Variants in SNRNP48 observed in about 807,000 individuals in gnomAD.
The protein encoded by SNRNP48 is U11/U12 small nuclear ribonucleoprotein 48 kDa protein.
Under a neutral mutation model 47.0 loss-of-function variants are expected in SNRNP48, and 43 were observed. That is an observed-to-expected ratio of 0.92 (90% CI 0.72 to 1.18). The LOEUF is 1.18. Ranked by LOEUF, SNRNP48 falls within the 50% of genes most tolerant of loss-of-function variation. The pLI is 0.00. For synonymous variants in SNRNP48, 138 were observed against 144.0 expected, an observed-to-expected ratio of 0.96 and a Z score of 0.30; for missense variants, 396 against 422.2, an observed-to-expected ratio of 0.94 and a Z score of 0.54.
Position 7,600,134 on chromosome 6 carries a change from T to G in SNRNP48, c.407-1202T>G, listed in dbSNP as rs1218559063. ...ATTGACTTGAAAGGGAACCCTTTTT[T>G]CCCCATTAATTCAAAACCCTTTGAC... On this transcript the variant is annotated intron_variant, in intron 4 of 8. Coordinates refer to ENST00000342415, the MANE Select transcript of SNRNP48 (RefSeq NM_152551.4). 3 of 993,384 alleles carry G rather than the reference T, an allele frequency of 3.0e-6. No homozygotes were observed. In the African/African-American group the frequency reaches 5.2e-5, roughly 17 times the overall value. The allele number at this position is 993,384 out of a possible 1,614,324, so 61.5% of individuals were successfully genotyped here. A position where few individuals can be genotyped will look rare whatever the true frequency, so the allele number is the denominator to read the frequency against.
chr6:7,605,253 G>T, intron 6 of SNRNP48, 145 bp from the exon 7 acceptor site: 1 of 609,958 alleles, frequency 1.6e-6, no homozygotes, highest in Non-Finnish European at 2.9e-6. Flanking sequence ...CCTTTTCTGT[G>T]TTCTCTAAAC....
intron 4 of SNRNP48, chr6:7,599,600 C>T: frequency 1.1e-6 from 1 of 917,836 alleles, no homozygotes; most frequent in Non-Finnish European, 1.5e-6. Flanking sequence ...TTTTTGTTGT[C>T]AGAAATATCT....
intron 4 of SNRNP48, among the ~76,000 whole-genome samples, chr6:7,596,425 C>CT (rs1554110401): frequency 6.6e-6 from 1 of 152,122 alleles, no homozygotes; most frequent in East Asian, 1.9e-4. Context: ...GACAACTTAC[C>CT]TTTTTTTCCT....
chr6:7,605,301 G>C (rs1471736409), intron 6 of SNRNP48, 97 bp from the exon 7 acceptor site: 3 of 925,216 alleles, frequency 3.2e-6, no homozygotes, highest in Non-Finnish European at 5.2e-6. Flanking sequence ...ATAGCACTTA[G>C]TAAATATTTG....
In SNRNP48 at chr6:7,595,098, C is replaced by A; in HGVS notation, c.403C>A (p.Gln135Lys). The change falls in exon 4 of 9, where the codon CAA (glutamine) becomes AAA (lysine). Residue 135 changes from glutamine (Q) to lysine (K), a missense_variant. Coordinates refer to ENST00000342415, the MANE Select transcript of SNRNP48 (RefSeq NM_152551.4). ...TGGGAAAGACAGTGATTGTTATAAT[C>A]AAAGTAAGTGGCATTACAGTTTAAG... ...AVGKDSDCYN[Q>K]RIYSSLPVEV... 2 of 1,585,618 alleles carry A rather than the reference C, an allele frequency of 1.3e-6. No homozygotes were observed. The highest frequency in any genetic ancestry group is 8.6e-7 in the Non-Finnish European group (1 of 1,169,392).
intron 4 of SNRNP48, chr6:7,599,705 C>T (rs995731303): frequency 7.8e-7 from 1 of 1,284,406 alleles, no homozygotes; most frequent in Admixed American, 2.3e-5. Context: ...GAATTAGGAA[C>T]CTGAATGTAC....
intron 4 of SNRNP48, chr6:7,600,740 C>A (rs995853310): frequency 6.6e-6 from 1 of 152,130 alleles, no homozygotes; most frequent in African/African-American, 2.4e-5. Context: ...TTAATTTAAT[C>A]TGTGCTTTCC....
chr6:7,610,469 A>G lies in SNRNP48; in HGVS notation c.*1596A>G, dbSNP rs1760213641. 1 of 152,254 alleles carries G rather than the reference A, an allele frequency of 6.6e-6. No individual in the cohort carries two copies. The highest frequency in any genetic ancestry group is 2.4e-5 in the African/African-American group (1 of 41,474). The allele number at this position is 152,254 out of a possible 1,614,324, so 9.4% of individuals were successfully genotyped here. The stretch of plus-strand genomic sequence containing the variant: ...GATGAATCATGAAATTGCTGCTTTT[A>G]TAGATCAAAACTACTTGAATCATCA... On this transcript the variant is annotated 3_prime_UTR_variant, in exon 9 of 9. Coordinates refer to ENST00000342415, the MANE Select transcript of SNRNP48 (RefSeq NM_152551.4).
intron 3 of SNRNP48, among the ~76,000 whole-genome samples, chr6:7,594,406 TTCTC>T (rs1022066359): frequency 6.6e-6 from 1 of 152,124 alleles, no homozygotes; most frequent in African/African-American, 2.4e-5. Context: ...GACACCTTCT[TTCTC>T]AGTTACAACA....
chr6:7,596,570 G>C (rs1759907563), intron 4 of SNRNP48, among the ~76,000 whole-genome samples: 1 of 152,150 alleles, frequency 6.6e-6, no homozygotes, highest in Admixed American at 6.5e-5. Context: ...GTTGCTCTAT[G>C]GCTTCAGAAG....
intron 6 of SNRNP48, among the ~76,000 whole-genome samples, chr6:7,604,715 G>A (rs1243985866): frequency 1.3e-5 from 2 of 152,134 alleles, no homozygotes; most frequent in African/African-American, 4.8e-5. Context: ...TGTGCTTGGT[G>A]GCATGGGTAA....
At chr6:7,606,472 T>C (rs1760130528) in intron 8 of SNRNP48, among the ~76,000 whole-genome samples, 1 of 152,240 alleles carries the variant, frequency 6.6e-6, no homozygotes, top group Non-Finnish European at 1.5e-5. Context: ...AAGTATTGTC[T>C]AGGCAGGACA....
chr6:7,606,257 CT>C, intron 8 of SNRNP48, 62 bp downstream of exon 8: 1 of 1,466,698 alleles, frequency 6.8e-7, no homozygotes, highest in Non-Finnish European at 9.1e-7. Context: ...AGAACAGGTT[CT>C]TCTGTTGTAG....
intron 1 of SNRNP48, 108 bp downstream of exon 1, chr6:7,590,521 C>A (rs1473589839): frequency 7.6e-6 from 9 of 1,183,642 alleles, no homozygotes; most frequent in Non-Finnish European, 9.6e-6. Context: ...GAGGAGTCCT[C>A]GTCCGTGTGC....
chr6:7,606,751 C>T (rs765910128), intron 8 of SNRNP48, among the ~76,000 whole-genome samples: 1 of 152,172 alleles, frequency 6.6e-6, no homozygotes, highest in Non-Finnish European at 1.5e-5. Context: ...GTACCTGGAT[C>T]TCAAGTTCAT....
chr6:7,595,021 TGAC>T lies in SNRNP48; in HGVS notation c.332-5_332-3del. On this transcript the variant is annotated splice_region_variant and splice_polypyrimidine_tract_variant and intron_variant, in intron 3 of 8. Transcript: ENST00000342415. ...TTGTATTTATGGATTTTTTTTTTTT[TGAC>T]AGATAAGGACTCACAATTCCAGATA... 6.3e-7 allele frequency: 1 copy of T among 1,580,130 alleles called. No homozygotes were observed. Among genetic ancestry groups the T allele is most frequent in the African/African-American group, 1.4e-5 (1 of 72,464 alleles).
rs1314793048 is a variant in SNRNP48, at chr6:7,609,175, A to C, written c.*302A>C. 1.7e-5 allele frequency: 3 copies of C among 180,968 alleles called. No individual in the cohort carries two copies. Among genetic ancestry groups the C allele is most frequent in the Non-Finnish European group, 3.4e-5 (3 of 87,238 alleles). The allele number at this position is 180,968 out of a possible 1,614,324, so 11.2% of individuals were successfully genotyped here. On this transcript the variant is annotated 3_prime_UTR_variant, in exon 9 of 9. Coordinates refer to ENST00000342415, the MANE Select transcript of SNRNP48 (RefSeq NM_152551.4). Reference sequence around the variant, plus strand: ...CTCAAAATTCTTTAAGTCAATATTTATCATATGTAAATTAAACATGAATAC... The same window carrying C: ...CTCAAAATTCTTTAAGTCAATATTTCTCATATGTAAATTAAACATGAATAC...
In SNRNP48 at chr6:7,606,160, G is replaced by A. The variant is rs1561715725; in HGVS notation, c.936G>A (p.Lys312=). 14 of 1,613,028 alleles carry A rather than the reference G, an allele frequency of 8.7e-6. No individual in the cohort carries two copies. Among genetic ancestry groups the A allele is most frequent in the African/African-American group, 2.7e-5 (2 of 74,866 alleles). The change falls in exon 8 of 9, where the codon AAG becomes AAA. Residue 312 remains lysine, a synonymous_variant. Coordinates refer to ENST00000342415, the MANE Select transcript of SNRNP48 (RefSeq NM_152551.4). ...SPHKRKRNKD[K]DKNCESRRRK... ...ATAAAAGAAAAAGAAACAAAGATAA[G>A]GATAAAAACTGTGAGTCGAGAAGAA... is the stretch of plus-strand genomic sequence containing the variant.
intron 4 of SNRNP48, among the ~76,000 whole-genome samples, chr6:7,599,142 A>G (rs1474241500): frequency 6.6e-6 from 1 of 152,190 alleles, no homozygotes; most frequent in African/African-American, 2.4e-5. Context: ...CTTTATCTGT[A>G]ACGTTAAGGA....
Sources: allele counts gnomAD v4.1 joint callset (sites outside exome capture counted in the v4.1 genomes callset), GRCh38; gene constraint gnomAD v4.1.1; transcripts MANE v1.5; gene names NCBI Gene and HGNC (gene_info 2026-07-23, HGNC 2026-07-21).